KCNQ3: variants seen among roughly 807,000 people sequenced by gnomAD.
KCNQ3 encodes the protein potassium voltage-gated channel subfamily Q member 3.
KCNQ3 carries 30 observed loss-of-function variants against 92.5 expected under a neutral mutation model. That is an observed-to-expected ratio of 0.32 (90% CI 0.24 to 0.44). KCNQ3 has a LOEUF of 0.44. Among genes scored for constraint, KCNQ3 ranks in the 20% least tolerant of loss-of-function variants. The pLI, the probability that KCNQ3 is intolerant of heterozygous loss-of-function variation, is 1.00. For missense variants in KCNQ3, 913 were observed against 1,140.3 expected (o/e 0.80, Z 2.87); for synonymous variants, 450 against 468.8 (o/e 0.96, Z 0.52).
intron 1 of KCNQ3, among the ~76,000 whole-genome samples, chr8:132,458,883 T>C (rs547849505): frequency 1.3e-5 from 2 of 152,250 alleles, no homozygotes; most frequent in Non-Finnish European, 2.9e-5. Context: ...AATAAATCAA[T>C]CCTAATGCAT....
At chr8:132,190,604 A>C (rs1046344608) in intron 1 of KCNQ3, among the ~76,000 whole-genome samples, 1 of 152,160 alleles carries the variant, frequency 6.6e-6, no homozygotes, top group Admixed American at 6.5e-5. Context: ...AGGGTCAACA[A>C]TCATGGGATA....
intron 9 of KCNQ3, among the ~76,000 whole-genome samples, chr8:132,149,964 G>A (rs1445668592): frequency 6.6e-6 from 1 of 152,094 alleles, no homozygotes; most frequent in East Asian, 1.9e-4. Flanking sequence ...AGAATAAGAG[G>A]TTCTTCCCCC....
chr8:132,213,382 G>T (rs1172997307), intron 1 of KCNQ3, among the ~76,000 whole-genome samples: 1 of 152,058 alleles, frequency 6.6e-6, no homozygotes, highest in African/African-American at 2.4e-5. Context: ...CAAACTGCCT[G>T]GGGGGAAAAA....
intron 8 of KCNQ3, among the ~76,000 whole-genome samples, chr8:132,165,799 A>G (rs916227812): frequency 1.3e-5 from 2 of 152,234 alleles, no homozygotes; most frequent in Non-Finnish European, 2.9e-5. Flanking sequence ...ATATTAAGCA[A>G]GCTAATTAAT....
At chr8:132,165,100 G>A (rs1422203936) in intron 8 of KCNQ3, among the ~76,000 whole-genome samples, 2 of 151,856 alleles carry the variant, frequency 1.3e-5, no homozygotes, top group African/African-American at 4.8e-5. Context: ...AAAATTCTTG[G>A]CCTCACATCC....
chr8:132,316,892 C>CT (rs2130625082), intron 1 of KCNQ3, among the ~76,000 whole-genome samples: 1 of 152,248 alleles, frequency 6.6e-6, no homozygotes, highest in East Asian at 1.9e-4. Flanking sequence ...GAAATTTTGG[C>CT]TTTTTCTCAT....
At chr8:132,167,166 A>G (rs1826167070) in intron 8 of KCNQ3, among the ~76,000 whole-genome samples, 1 of 152,210 alleles carries the variant, frequency 6.6e-6, no homozygotes, top group Non-Finnish European at 1.5e-5. Context: ...GAAAGAAACC[A>G]TGCATAAAAG....
intron 1 of KCNQ3, among the ~76,000 whole-genome samples, chr8:132,292,293 A>G (rs1228681828): frequency 6.6e-6 from 1 of 152,260 alleles, no homozygotes; most frequent in East Asian, 1.9e-4. Flanking sequence ...CTATGCATCA[A>G]GAAGTGTTCT....
chr8:132,375,188 T>C (rs1014379825), intron 1 of KCNQ3, among the ~76,000 whole-genome samples: 5 of 152,218 alleles, frequency 3.3e-5, no homozygotes, highest in African/African-American at 1.2e-4. Flanking sequence ...TTCACCAACA[T>C]TCACTGCATT....
chr8:132,242,738 A>T (rs1815036414), intron 1 of KCNQ3, among the ~76,000 whole-genome samples: 2 of 152,232 alleles, frequency 1.3e-5, no homozygotes, highest in Admixed American at 1.3e-4. Flanking sequence ...ATGAATGAAT[A>T]ATTGAATTAT....
chr8:132,477,270 T>C (rs540269069), intron 1 of KCNQ3, among the ~76,000 whole-genome samples: 1 of 152,194 alleles, frequency 6.6e-6, no homozygotes, highest in East Asian at 1.9e-4. Flanking sequence ...AAGGGTTTGA[T>C]TGATTTCCAT....
chr8:132,300,377 A>C (rs981408810), intron 1 of KCNQ3, among the ~76,000 whole-genome samples: 1 of 152,144 alleles, frequency 6.6e-6, no homozygotes, highest in Non-Finnish European at 1.5e-5. Flanking sequence ...CATGGTTTCT[A>C]TTTTTATTCC....
intron 9 of KCNQ3, among the ~76,000 whole-genome samples, chr8:132,148,988 T>C (rs900380370): frequency 6.6e-6 from 1 of 152,252 alleles, no homozygotes; most frequent in African/African-American, 2.4e-5. Context: ...CTATATTCCA[T>C]TGGTTCTGTT....
At chr8:132,154,084 A>G (rs890054417) in intron 9 of KCNQ3, among the ~76,000 whole-genome samples, 55 of 151,532 alleles carry the variant, frequency 3.6e-4, no homozygotes, top group African/African-American at 1.3e-3. Context: ...CTTCAGATGG[A>G]TCCTCCAAAC....
intron 1 of KCNQ3, among the ~76,000 whole-genome samples, chr8:132,323,832 C>T (rs1817963036): frequency 6.6e-6 from 1 of 152,032 alleles, no homozygotes; most frequent in South Asian, 2.1e-4. Context: ...CAGAAGTAGT[C>T]TTAAAAAAAA....
At position 132,244,699 on chromosome 8, in the gene KCNQ3, A is replaced by G. The variant is rs188848895; in HGVS notation, c.387-58518T>C. Reference sequence around the variant, plus strand: ...TGGGAGACTGAGGTCAGGTTTGAGGATCTCCAATTCAAGTCCAGCTGCACA... The same window carrying G: ...TGGGAGACTGAGGTCAGGTTTGAGGGTCTCCAATTCAAGTCCAGCTGCACA... On this transcript the variant is annotated intron_variant, in intron 1 of 14. Coordinates refer to ENST00000388996, the MANE Select transcript of KCNQ3 (RefSeq NM_004519.4). Among the ~76,000 whole-genome samples the G allele has an allele frequency of 3.4e-3, 524 of 152,276 alleles. 2 individuals are homozygous for G. The highest frequency in any genetic ancestry group is 0.012 in the African/African-American group (502 of 41,554).
At chr8:132,230,369 T>C (rs1814594881) in intron 1 of KCNQ3, among the ~76,000 whole-genome samples, 1 of 151,768 alleles carries the variant, frequency 6.6e-6, no homozygotes, top group Non-Finnish European at 1.5e-5. Flanking sequence ...CCAGCTGACA[T>C]TCATTTTCCA....
intron 1 of KCNQ3, among the ~76,000 whole-genome samples, chr8:132,336,055 C>A (rs2130673032): frequency 6.6e-6 from 1 of 152,286 alleles, no homozygotes; most frequent in South Asian, 2.1e-4. Context: ...GGCTTTTTAG[C>A]AGCAGTGGGA....
intron 4 of KCNQ3, among the ~76,000 whole-genome samples, chr8:132,179,422 T>C (rs1288601068): frequency 6.6e-6 from 1 of 152,154 alleles, no homozygotes; most frequent in Non-Finnish European, 1.5e-5. Flanking sequence ...CCAGGGTTTA[T>C]ATCCCACTGC....
Sources: gnomAD v4.1 joint callset for allele counts (sites outside exome capture counted in the v4.1 genomes callset) on GRCh38, gnomAD v4.1.1 for gene constraint, MANE v1.5 for transcripts, NCBI Gene and HGNC (gene_info 2026-07-23, HGNC 2026-07-21) for gene names.